The following TARS1 variants were observed in gnomAD, a reference collection of about 807,000 sequenced individuals.
TARS1 encodes threonine--tRNA ligase 1, cytoplasmic.
In TARS1, 57 loss-of-function variants were observed where a neutral mutation model predicts 97.7. That is an observed-to-expected ratio of 0.58 (90% confidence interval 0.47 to 0.73). TARS1 has a LOEUF of 0.73. TARS1 is among the 30% of genes least tolerant of loss of function. The pLI, the probability that TARS1 is intolerant of heterozygous loss-of-function variation, is 0.00. For missense variants in TARS1, 806 were observed against 888.3 expected (o/e 0.91, Z 1.18); for synonymous variants, 312 against 293.7 (o/e 1.06, Z -0.64).
At chr5:33,467,102 A>AT (rs1351489559) in intron 18 of TARS1, 117 bp downstream of exon 18, 6 of 394,434 alleles carry the variant, frequency 1.5e-5, no homozygotes, top group Admixed American at 4.7e-5. Context: ...TCCAGTCCTG[A>AT]TTTTTTTTCT....
Position 33,441,002 on chromosome 5 carries a change from G to A in TARS1, c.-85G>A. On this transcript the variant is annotated 5_prime_UTR_variant, in exon 1 of 19. Coordinates refer to ENST00000265112, the MANE Select transcript of TARS1 (RefSeq NM_152295.5). ...TGGTCCAGCCGAGGCCAAGTCCCGG[G>A]CGCTAGCCCACCTCCCACCCGCCTC... is the stretch of plus-strand genomic sequence containing the variant. The A allele has an allele frequency of 6.4e-7, 1 of 1,570,504 alleles. No homozygotes were observed. The highest frequency in any genetic ancestry group is 2.2e-5 in the East Asian group (1 of 44,480).
At chr5:33,446,672 G>GA in intron 2 of TARS1, 8 of 1,289,314 alleles carry the variant, frequency 6.2e-6, no homozygotes, top group Non-Finnish European at 8.1e-6. Flanking sequence ...TCTGCTGAAT[G>GA]AATGTTGAAG....
intron 3 of TARS1, among the ~76,000 whole-genome samples, chr5:33,452,129 A>G (rs1741773614): frequency 6.6e-6 from 1 of 152,174 alleles, no homozygotes; most frequent in African/African-American, 2.4e-5. Context: ...ACCCTTAGAC[A>G]TAGAGAGCCA....
chr5:33,449,338 TACAC>T (rs1561069876), intron 3 of TARS1, among the ~76,000 whole-genome samples: 6 of 140,146 alleles, frequency 4.3e-5, no homozygotes, highest in African/African-American at 1.7e-4. Context: ...CGCGTATATA[TACAC>T]GTGTATATAT....
intron 16 of TARS1, among the ~76,000 whole-genome samples, chr5:33,462,582 G>C (rs540815144): frequency 6.6e-6 from 1 of 152,236 alleles, no homozygotes; most frequent in African/African-American, 2.4e-5. Context: ...GGCTTTCTTC[G>C]TTCAGCCTTG....
At chr5:33,444,799 A>G (rs1024899644) in intron 1 of TARS1, among the ~76,000 whole-genome samples, 4 of 152,066 alleles carry the variant, frequency 2.6e-5, no homozygotes, top group Admixed American at 6.6e-5. Flanking sequence ...TCGTAGCGTT[A>G]CTACTGTGTT....
chr5:33,444,687 C>G (rs1162466457), intron 1 of TARS1, among the ~76,000 whole-genome samples: 1 of 152,244 alleles, frequency 6.6e-6, no homozygotes, highest in Admixed American at 6.5e-5. Context: ...TGACAACAAG[C>G]TTATGTGTAC....
Position 33,445,361 on chromosome 5 carries a change from AAAAG to A in TARS1, c.98_101del (p.Lys33ArgfsTer14). On this transcript the variant is annotated frameshift_variant, in exon 2 of 19. Coordinates refer to ENST00000265112, the MANE Select transcript of TARS1 (RefSeq NM_152295.5). LOFTEE classifies it high-confidence loss of function. ...GAAGAGAAGCAAAAGGAAGGAGGCA[AAAAG>A]AAGAACAAAGAAGGATCTGGAGATG... is the stretch of plus-strand genomic sequence containing the variant. The A allele has an allele frequency of 6.2e-7, 1 of 1,613,404 alleles. No homozygotes were observed. Among genetic ancestry groups the A allele is most frequent in the Non-Finnish European group, 8.5e-7 (1 of 1,179,536 alleles).
rs1561067460 is a variant in TARS1, at chr5:33,445,306, CG to C, written c.58-17del. The C allele has an allele frequency of 5.6e-6, 9 of 1,598,076 alleles. No homozygotes were observed. Among genetic ancestry groups the C allele is most frequent in the East Asian group, 2.3e-5 (1 of 43,878 alleles). ...TGTCACATTAGATTAAAATATAAAA[CG>C]TTTTTTGCTTATTTAGATTGGTGCT... is the stretch of plus-strand genomic sequence containing the variant. On this transcript the variant is annotated splice_polypyrimidine_tract_variant and intron_variant, in intron 1 of 18. Coordinates refer to ENST00000265112, the MANE Select transcript of TARS1 (RefSeq NM_152295.5).
chr5:33,467,134 TAAC>T, intron 18 of TARS1, 149 bp downstream of exon 18: 1 of 315,260 alleles, frequency 3.2e-6, no homozygotes, highest in East Asian at 5.9e-5. Context: ...TAATATATAA[TAAC>T]TATAAAAATA....
rs764599421 is a variant in TARS1 at position 33,455,092 on chromosome 5, A to C, written c.575+26A>C. The C allele has an allele frequency of 9.9e-6, 16 of 1,612,140 alleles. No homozygotes were observed. In the South Asian group the frequency reaches 1.6e-4, roughly 17 times the overall value. On this transcript the variant is annotated intron_variant, in intron 5 of 18. Transcript: ENST00000265112. ...GTAAGCCATCAACTAGATAAAGAAA[A>C]CTGAAGTCAATGACTATGGATCCAT...
chr5:33,442,132 C>T (rs1040320430), intron 1 of TARS1, among the ~76,000 whole-genome samples: 2 of 152,134 alleles, frequency 1.3e-5, no homozygotes, highest in African/African-American at 4.8e-5. Context: ...GCTAAGGGAT[C>T]CTCTATCCCA....
intron 16 of TARS1, 130 bp from the exon 17 acceptor site, chr5:33,463,623 A>T: frequency 1.3e-6 from 1 of 799,934 alleles, no homozygotes; most frequent in Non-Finnish European, 2.0e-6. Context: ...GGGGTTTTTT[A>T]AAGCCAAGTT....
chr5:33,452,384 C>T (rs1183453871), intron 3 of TARS1: 3 of 1,535,290 alleles, frequency 2.0e-6, no homozygotes, highest in Non-Finnish European at 2.6e-6. Flanking sequence ...TGCATCTCTG[C>T]TTGCATCTGT....
intron 17 of TARS1, among the ~76,000 whole-genome samples, chr5:33,465,497 G>C (rs1742491247): frequency 6.6e-6 from 1 of 152,204 alleles, no homozygotes; most frequent in South Asian, 2.1e-4. Flanking sequence ...TGCACACACA[G>C]GACCCATGTT....
At chr5:33,463,885 A>G (rs1742412783) in intron 17 of TARS1, 60 bp downstream of exon 17, 3 of 1,423,500 alleles carry the variant, frequency 2.1e-6, no homozygotes, top group African/African-American at 2.8e-5. Context: ...TTTTCAAATC[A>G]CATAAGCCCT....
intron 1 of TARS1, chr5:33,441,453 C>T: frequency 3.1e-6 from 1 of 325,854 alleles, no homozygotes; most frequent in Non-Finnish European, 5.8e-6. Context: ...GAATCAGAAT[C>T]TTAGGCTTGA....
At chr5:33,456,109 C>T (rs556828655) in intron 7 of TARS1, 40 bp from the exon 8 acceptor site, 40 of 1,612,212 alleles carry the variant, frequency 2.5e-5, no homozygotes, top group Non-Finnish European at 3.3e-5. Context: ...GTATGTATGT[C>T]ATTTTGTCTT....
intron 3 of TARS1, among the ~76,000 whole-genome samples, chr5:33,449,230 T>C (rs1741580591): frequency 1.3e-5 from 2 of 151,770 alleles, no homozygotes; most frequent in Admixed American, 6.6e-5. Flanking sequence ...TATTTTGTAA[T>C]AGGGGAGAGG....
Sources: gnomAD v4.1 joint callset for allele counts (sites outside exome capture counted in the v4.1 genomes callset) on GRCh38, gnomAD v4.1.1 for gene constraint, MANE v1.5 for transcripts, NCBI Gene and HGNC (gene_info 2026-07-23, HGNC 2026-07-21) for gene names.